The following TMTC2 variants were observed in gnomAD, a reference collection of about 807,000 sequenced individuals.
TMTC2 encodes the protein protein O-mannosyl-transferase TMTC2.
A neutral mutation model predicts 82.4 loss-of-function variants in TMTC2; 43 were observed. The ratio of observed to expected loss-of-function variants is 0.52; its 90% CI spans 0.41 to 0.67. The LOEUF (loss-of-function observed/expected upper bound fraction) is 0.67. Ranked by LOEUF, TMTC2 falls within the 30% of genes least tolerant of loss-of-function variation. The probability of loss-of-function intolerance (pLI) is 0.00; values close to 1 mark genes in which losing one functional copy is unlikely to be tolerated. For missense variants in TMTC2, 919 were observed against 1,012.4 expected (o/e 0.91, Z 1.25); for synonymous variants, 408 against 381.9 (o/e 1.07, Z -0.80).
At position 83,134,308 on chromosome 12, in the gene TMTC2, T is replaced by G. The variant is rs1455618856; in HGVS notation, c.*1919T>G. 1 of 152,568 alleles carries G rather than the reference T, an allele frequency of 6.6e-6. No individual in the cohort carries two copies. The highest frequency in any genetic ancestry group is 1.5e-5 in the Non-Finnish European group (1 of 68,020). 9.5% of individuals were successfully genotyped at this position (152,568 alleles called of 1,614,324 possible). On this transcript the variant is annotated 3_prime_UTR_variant, in exon 12 of 12. Coordinates refer to ENST00000321196, the MANE Select transcript of TMTC2 (RefSeq NM_152588.3). ...GCAATTGCAAAAAAAAAAAAGGAAT[T>G]TAATATAAGGCTATAGAGATTAATT...
At chr12:83,062,366 TTTTCTATTGAAATAGAG>T (rs1188380784) in intron 11 of TMTC2, among the ~76,000 whole-genome samples, 2 of 151,792 alleles carry the variant, frequency 1.3e-5, no homozygotes, top group East Asian at 3.9e-4. Context: ...AAATTAGATC[TTTTCTATTGAAATAGAG>T]TAACCATCTA....
chr12:82,970,621 C>A (rs553487110), intron 7 of TMTC2, among the ~76,000 whole-genome samples: 1 of 152,308 alleles, frequency 6.6e-6, no homozygotes, highest in South Asian at 2.1e-4. Context: ...GCGTGAGCCA[C>A]CGCGCCCGGC....
chr12:82,801,036 C>T (rs1878971680), intron 1 of TMTC2, among the ~76,000 whole-genome samples: 1 of 152,052 alleles, frequency 6.6e-6, no homozygotes, highest in Non-Finnish European at 1.5e-5. Flanking sequence ...AAAAAGAAGG[C>T]AAGGGTTTTG....
chr12:82,974,962 T>C (rs1238286351), intron 7 of TMTC2, among the ~76,000 whole-genome samples: 1 of 152,020 alleles, frequency 6.6e-6, no homozygotes, highest in Non-Finnish European at 1.5e-5. Flanking sequence ...CCTTTCTAGA[T>C]TTTATGCCCT....
At chr12:82,711,910 C>T (rs575118506) in intron 1 of TMTC2, among the ~76,000 whole-genome samples, 2 of 152,328 alleles carry the variant, frequency 1.3e-5, no homozygotes, top group South Asian at 4.1e-4. Context: ...ATCGAAAAGA[C>T]AGCTCCTCTT....
At chr12:82,749,873 G>T (rs1185600971) in intron 1 of TMTC2, among the ~76,000 whole-genome samples, 3 of 151,856 alleles carry the variant, frequency 2.0e-5, no homozygotes, top group African/African-American at 7.3e-5. Context: ...AGGTAGCTGG[G>T]ATTACAGGCA....
intron 4 of TMTC2, among the ~76,000 whole-genome samples, chr12:82,936,782 T>C (rs2137253464): frequency 6.6e-6 from 1 of 152,286 alleles, no homozygotes; most frequent in African/African-American, 2.4e-5. Context: ...ACATTTAATG[T>C]TGAAGCATAG....
At chr12:82,707,362 C>T (rs1242064774) in intron 1 of TMTC2, among the ~76,000 whole-genome samples, 2 of 152,178 alleles carry the variant, frequency 1.3e-5, no homozygotes, top group Non-Finnish European at 2.9e-5. Flanking sequence ...TACCATTACA[C>T]TGGGCATTAG....
chr12:82,911,041 C>T (rs575533878), intron 3 of TMTC2, among the ~76,000 whole-genome samples: 3 of 152,046 alleles, frequency 2.0e-5, no homozygotes, highest in African/African-American at 4.8e-5. Context: ...CCACCATGCC[C>T]GGCTAATTTT....
chr12:82,756,773 C>T lies in TMTC2; in HGVS notation c.83+69104C>T, dbSNP rs539474878. 5.3e-5 allele frequency among the ~76,000 whole-genome samples: 8 copies of T among 152,220 alleles called. 1 individual carries two copies. In the South Asian group the frequency reaches 1.7e-3, roughly 32 times the overall value. ...TTTTTTGGAAGACATCCACCCTGTA[C>T]TGCAAGTGATGGCCCTACTGGCTGT... On this transcript the variant is annotated intron_variant, in intron 1 of 11. Transcript: ENST00000321196.
At chr12:82,947,693 T>C (rs1877099066) in intron 4 of TMTC2, among the ~76,000 whole-genome samples, 2 of 152,310 alleles carry the variant, frequency 1.3e-5, no homozygotes, top group South Asian at 2.1e-4. Context: ...AAGTTGGCCA[T>C]TTCTTACGCC....
At chr12:83,123,550 T>C (rs1885018349) in intron 11 of TMTC2, among the ~76,000 whole-genome samples, 2 of 152,194 alleles carry the variant, frequency 1.3e-5, no homozygotes, top group African/African-American at 4.8e-5. Context: ...ATGATAGCCT[T>C]TTGTGAAGAT....
In TMTC2 at chr12:82,936,354, T is replaced by A. The variant is rs148699891; in HGVS notation, c.1598+5809T>A. On this transcript the variant is annotated intron_variant, in intron 4 of 11. Transcript: ENST00000321196. ...TTTTATGAAGCTAGATAAAACTGAT[T>A]GCAATGTATCTGACTAAATTTAACA... Among the ~76,000 whole-genome samples the A allele has an allele frequency of 7.3e-3, 1,106 of 152,102 alleles. 7 individuals carry two copies. The highest frequency in any genetic ancestry group is 0.014 in the Middle Eastern group (4 of 294).
chr12:83,022,691 GTCT>G (rs1020426205), intron 8 of TMTC2, among the ~76,000 whole-genome samples: 1 of 152,052 alleles, frequency 6.6e-6, no homozygotes, highest in Non-Finnish European at 1.5e-5. Context: ...TACACTAGAT[GTCT>G]TCTTCTCTTC....
At chr12:82,744,512 A>T (rs1357315921) in intron 1 of TMTC2, among the ~76,000 whole-genome samples, 1 of 139,748 alleles carries the variant, frequency 7.2e-6, no homozygotes, top group Non-Finnish European at 1.5e-5. Context: ...AGAGGATCAC[A>T]AGTTCAGGGC....
intron 11 of TMTC2, among the ~76,000 whole-genome samples, chr12:83,070,436 T>A (rs1297913196): frequency 6.9e-6 from 1 of 145,716 alleles, no homozygotes; most frequent in African/African-American, 2.5e-5. Context: ...TATTTTATTA[T>A]TTTTTTTTTT....
chr12:82,969,376 G>A (rs1176346969), intron 7 of TMTC2, among the ~76,000 whole-genome samples: 1 of 152,086 alleles, frequency 6.6e-6, no homozygotes, highest in African/African-American at 2.4e-5. Flanking sequence ...CCAAGCACTT[G>A]TGTATAGATA....
intron 1 of TMTC2, among the ~76,000 whole-genome samples, chr12:82,699,325 A>G (rs1461482136): frequency 1.3e-5 from 2 of 152,094 alleles, no homozygotes; most frequent in Admixed American, 6.5e-5. Context: ...GTTTCTAGTC[A>G]TTGTACACGA....
intron 1 of TMTC2, among the ~76,000 whole-genome samples, chr12:82,713,182 G>T (rs575724705): frequency 6.6e-6 from 1 of 152,102 alleles, no homozygotes; most frequent in Non-Finnish European, 1.5e-5. Flanking sequence ...TTAGCTGGGC[G>T]TGGTGGCACA....
Sources: allele counts gnomAD v4.1 joint callset (sites outside exome capture counted in the v4.1 genomes callset), GRCh38; gene constraint gnomAD v4.1.1; transcripts MANE v1.5; gene names NCBI Gene and HGNC (gene_info 2026-07-23, HGNC 2026-07-21).